Variants in THSD7B observed in about 807,000 individuals in gnomAD.
The protein encoded by THSD7B is thrombospondin type-1 domain-containing protein 7B.
A neutral mutation model predicts 213.6 loss-of-function variants in THSD7B; 138 were observed. That is an observed-to-expected ratio of 0.65 (90% confidence interval 0.56 to 0.74). THSD7B has a LOEUF of 0.74. Ranked by LOEUF, THSD7B falls within the 30% of genes least tolerant of loss-of-function variation. The probability of loss-of-function intolerance (pLI) is 0.00; values close to 1 mark genes in which losing one functional copy is unlikely to be tolerated. For missense variants in THSD7B, 1,931 were observed against 1,991.5 expected, an observed-to-expected ratio of 0.97 and a Z score of 0.58; for synonymous variants, 742 against 687.0, an observed-to-expected ratio of 1.08 and a Z score of -1.25.
chr2:137,387,353 A>AG (rs1345192410), intron 12 of THSD7B, among the ~76,000 whole-genome samples: 2 of 152,190 alleles, frequency 1.3e-5, no homozygotes, highest in African/African-American at 4.8e-5. Context: ...AGTTTCTCAG[A>AG]GGGCTTTCTG....
chr2:137,285,925 G>A (rs1683163330), intron 12 of THSD7B, among the ~76,000 whole-genome samples: 1 of 151,850 alleles, frequency 6.6e-6, no homozygotes, highest in Non-Finnish European at 1.5e-5. Flanking sequence ...CCAACATGGT[G>A]AAACCCCATC....
At chr2:137,506,289 C>A (rs575407224) in intron 15 of THSD7B, among the ~76,000 whole-genome samples, 1 of 152,272 alleles carries the variant, frequency 6.6e-6, no homozygotes, top group African/African-American at 2.4e-5. Flanking sequence ...CCCTCAGATG[C>A]CTCTTCTTCA....
At chr2:137,008,645 A>G (rs1686163172) in intron 2 of THSD7B, among the ~76,000 whole-genome samples, 1 of 152,096 alleles carries the variant, frequency 6.6e-6, no homozygotes, top group South Asian at 2.1e-4. Flanking sequence ...AAAGAGATAA[A>G]ACTCCTATTT....
intron 4 of THSD7B, among the ~76,000 whole-genome samples, chr2:137,102,682 G>C (rs1688173071): frequency 6.6e-6 from 1 of 152,172 alleles, no homozygotes; most frequent in African/African-American, 2.4e-5. Context: ...CCAGTTTAGA[G>C]AAGAATATAA....
intron 15 of THSD7B, among the ~76,000 whole-genome samples, chr2:137,514,516 C>T (rs1421729210): frequency 6.6e-6 from 1 of 152,116 alleles, no homozygotes; most frequent in Non-Finnish European, 1.5e-5. Flanking sequence ...AGTTAATACT[C>T]CTTAATAAAC....
intron 1 of THSD7B, among the ~76,000 whole-genome samples, chr2:136,878,018 C>G (rs13339892): frequency 0.011 from 1,743 of 151,864 alleles, 36 homozygotes; most frequent in African/African-American, 0.04. Flanking sequence ...TGTGCTGCAC[C>G]CATTAACTCG....
chr2:137,364,874 A>G (rs1056180637), intron 12 of THSD7B, among the ~76,000 whole-genome samples: 8 of 152,172 alleles, frequency 5.3e-5, no homozygotes, highest in African/African-American at 1.4e-4. Flanking sequence ...TTTCTTCACA[A>G]AATTGGAAAA....
intron 12 of THSD7B, among the ~76,000 whole-genome samples, chr2:137,294,020 T>C (rs910254699): frequency 6.6e-6 from 1 of 152,124 alleles, no homozygotes; most frequent in Non-Finnish European, 1.5e-5. Context: ...CTTAACTTTC[T>C]CCAAAAGGTC....
intron 2 of THSD7B, among the ~76,000 whole-genome samples, chr2:137,006,349 G>C (rs6705131): frequency 0.057 from 8,745 of 152,156 alleles, 362 homozygotes; most frequent in East Asian, 0.12. Context: ...GAGCCGAGAT[G>C]ACACCACTGC....
intron 17 of THSD7B, among the ~76,000 whole-genome samples, chr2:137,589,499 A>G (rs1681817780): frequency 6.6e-6 from 1 of 152,136 alleles, no homozygotes; most frequent in Non-Finnish European, 1.5e-5. Context: ...TAGATATTTT[A>G]CATTGTTTAT....
At chr2:136,950,934 T>C (rs1226372850) in intron 2 of THSD7B, among the ~76,000 whole-genome samples, 1 of 152,184 alleles carries the variant, frequency 6.6e-6, no homozygotes, top group Non-Finnish European at 1.5e-5. Context: ...AGGCAGGTGG[T>C]GGGGAGAGAT....
chr2:137,100,109 C>T (rs1021361609), intron 4 of THSD7B, among the ~76,000 whole-genome samples: 14 of 151,936 alleles, frequency 9.2e-5, no homozygotes, highest in African/African-American at 2.9e-4. Flanking sequence ...TCTAGACATC[C>T]TTTTTTCTTG....
intron 1 of THSD7B, among the ~76,000 whole-genome samples, chr2:136,852,912 T>A (rs1182952994): frequency 6.6e-6 from 1 of 152,200 alleles, no homozygotes; most frequent in African/African-American, 2.4e-5. Context: ...ATTTTAAAAA[T>A]GTTGAAACTG....
At chr2:136,872,512 G>A (rs984502443) in intron 1 of THSD7B, among the ~76,000 whole-genome samples, 5 of 151,280 alleles carry the variant, frequency 3.3e-5, no homozygotes, top group Non-Finnish European at 5.9e-5. Flanking sequence ...ATCTGAGAAC[G>A]TGATCTTTTA....
At chr2:137,172,087 T>A (rs1680264763) in intron 7 of THSD7B, among the ~76,000 whole-genome samples, 1 of 152,232 alleles carries the variant, frequency 6.6e-6, no homozygotes, top group Admixed American at 6.5e-5. Flanking sequence ...TGTGTGATAT[T>A]GTGTTTTCTA....
chr2:137,550,982 C>A lies in THSD7B; in HGVS notation c.3139-12239C>A, dbSNP rs146110239. Among the ~76,000 whole-genome samples, 5 of 151,220 alleles carry A rather than the reference C, an allele frequency of 3.3e-5. No homozygotes were observed. In the East Asian group the frequency reaches 5.8e-4, roughly 18 times the overall value. The stretch of plus-strand genomic sequence containing the variant: ...CAAACCTTCACATGTACCCCTGAAC[C>A]TAAAATGAAAGTTAAAATATTAAAA... On this transcript the variant is annotated intron_variant, in intron 15 of 27. Transcript: ENST00000409968.
chr2:137,338,203 C>G (rs1684683419), intron 12 of THSD7B, among the ~76,000 whole-genome samples: 1 of 152,026 alleles, frequency 6.6e-6, no homozygotes, highest in African/African-American at 2.4e-5. Flanking sequence ...CATAGTCCCT[C>G]CAAATGGCCA....
intron 15 of THSD7B, among the ~76,000 whole-genome samples, chr2:137,495,081 C>G (rs866681179): frequency 6.6e-6 from 1 of 152,128 alleles, no homozygotes. Flanking sequence ...GTCTGTTTCT[C>G]TCTATGGTAG....
chr2:137,633,011 A>G (rs1682769251), intron 20 of THSD7B, among the ~76,000 whole-genome samples: 1 of 152,214 alleles, frequency 6.6e-6, no homozygotes, highest in African/African-American at 2.4e-5. Context: ...GTGTAGAATT[A>G]CTGCTGCATC....
Sources: allele counts gnomAD v4.1 joint callset (sites outside exome capture counted in the v4.1 genomes callset), GRCh38; gene constraint gnomAD v4.1.1; transcripts MANE v1.5; gene names NCBI Gene and HGNC (gene_info 2026-07-23, HGNC 2026-07-21).